KCNH1: variants seen among roughly 807,000 people sequenced by gnomAD.
The protein encoded by KCNH1 is potassium voltage-gated channel subfamily H member 1, also known as voltage-gated delayed rectifier potassium channel KCNH1.
KCNH1 carries 27 observed loss-of-function variants against 69.2 expected under a neutral mutation model. That is an observed-to-expected ratio of 0.39 (90% CI 0.29 to 0.54). The LOEUF is 0.54. Ranked by LOEUF, KCNH1 falls within the 20% of genes least tolerant of loss-of-function variation. KCNH1 has a pLI of 0.68. For missense variants in KCNH1, 798 were observed against 1,261.6 expected (o/e 0.63, Z 5.57); for synonymous variants, 456 against 487.7 (o/e 0.93, Z 0.86).
At chr1:210,967,691 A>G (rs974872461) in intron 6 of KCNH1, among the ~76,000 whole-genome samples, 2 of 152,106 alleles carry the variant, frequency 1.3e-5, no homozygotes, top group Admixed American at 1.3e-4. Context: ...TTAGGTTATA[A>G]GAAGTCTTAA....
intron 6 of KCNH1, among the ~76,000 whole-genome samples, chr1:210,936,818 GA>G (rs1316071404): frequency 6.6e-6 from 1 of 151,642 alleles, no homozygotes; most frequent in Non-Finnish European, 1.5e-5. Context: ...ATCATCACTG[GA>G]AACCACTCCA....
chr1:211,059,181 G>C (rs1379585277), intron 5 of KCNH1, among the ~76,000 whole-genome samples: 1 of 151,960 alleles, frequency 6.6e-6, no homozygotes, highest in Non-Finnish European at 1.5e-5. Context: ...TCAGGAGGCT[G>C]AGGCAGGAGA....
At chr1:210,807,466 G>T (rs1439643255) in intron 7 of KCNH1, among the ~76,000 whole-genome samples, 3 of 151,974 alleles carry the variant, frequency 2.0e-5, no homozygotes, top group Non-Finnish European at 2.9e-5. Flanking sequence ...AAAAAATTTA[G>T]CCAGGCATGG....
intron 10 of KCNH1, among the ~76,000 whole-genome samples, chr1:210,745,662 A>G (rs978324711): frequency 7.9e-5 from 12 of 152,178 alleles, no homozygotes; most frequent in Admixed American, 7.2e-4. Flanking sequence ...TTTTTCTACT[A>G]TCCCAAAGTT....
chr1:210,815,520 A>G (rs1684793977), intron 7 of KCNH1, among the ~76,000 whole-genome samples: 1 of 152,080 alleles, frequency 6.6e-6, no homozygotes, highest in Admixed American at 6.6e-5. Context: ...AGATGGTTTA[A>G]TTATTTTTTT....
At chr1:211,017,528 A>G (rs1459372718) in intron 6 of KCNH1, among the ~76,000 whole-genome samples, 1 of 152,186 alleles carries the variant, frequency 6.6e-6, no homozygotes, top group East Asian at 1.9e-4. Context: ...AGACTTGCCA[A>G]ATGAACTGCC....
chr1:211,123,484 A>G (rs1483343887), intron 1 of KCNH1, among the ~76,000 whole-genome samples: 1 of 152,136 alleles, frequency 6.6e-6, no homozygotes, highest in Admixed American at 6.5e-5. Flanking sequence ...GCAGATATGG[A>G]TAGGTGGAGG....
intron 10 of KCNH1, among the ~76,000 whole-genome samples, chr1:210,734,853 C>T (rs1243692994): frequency 6.6e-6 from 1 of 152,130 alleles, no homozygotes; most frequent in African/African-American, 2.4e-5. Context: ...AATCTAGTTG[C>T]AGACACTGAA....
intron 6 of KCNH1, among the ~76,000 whole-genome samples, chr1:210,935,120 TCACACACACACACACACACACACACA>T (rs10588037): frequency 7.7e-6 from 1 of 129,206 alleles, no homozygotes; most frequent in African/African-American, 3.0e-5. Context: ...AAAGAAAATG[TCACACACACACACACACACACACACA>T]CACACACACA....
intron 6 of KCNH1, among the ~76,000 whole-genome samples, chr1:210,955,092 A>T (rs921890031): frequency 2.0e-5 from 3 of 152,186 alleles, no homozygotes; most frequent in African/African-American, 7.2e-5. Flanking sequence ...GGTGTAAGGA[A>T]GGGATCCAGT....
chr1:211,079,880 T>C (rs1300676207), intron 5 of KCNH1, among the ~76,000 whole-genome samples: 1 of 152,180 alleles, frequency 6.6e-6, no homozygotes, highest in African/African-American at 2.4e-5. Context: ...GGGCAAAAAC[T>C]GGAAGTATTC....
intron 5 of KCNH1, among the ~76,000 whole-genome samples, chr1:211,021,106 G>GGGAT (rs1689580267): frequency 6.6e-6 from 1 of 151,988 alleles, no homozygotes; most frequent in Non-Finnish European, 1.5e-5. Context: ...CTAAGCTATG[G>GGGAT]GGATGCAAAG....
chr1:210,922,370 C>A (rs1199493184), intron 6 of KCNH1, among the ~76,000 whole-genome samples: 4 of 126,272 alleles, frequency 3.2e-5, no homozygotes, highest in Non-Finnish European at 6.3e-5. Flanking sequence ...GGCAACAGAG[C>A]GAGACTCCGT....
At chr1:211,002,030 G>A (rs1689191493) in intron 6 of KCNH1, among the ~76,000 whole-genome samples, 1 of 151,476 alleles carries the variant, frequency 6.6e-6, no homozygotes, top group African/African-American at 2.4e-5. Flanking sequence ...GGGGAGTGGG[G>A]GGGGATAGCA....
At position 211,133,857 on chromosome 1, in the gene KCNH1, C is replaced by A. The variant is rs1215676133; in HGVS notation, c.79+10G>T. ...CGCCCGGGTAATCGAAATCCGAATG[C>A]ACCTCTTACCATTGGACCGCCGAAC... On this transcript the variant is annotated intron_variant, in intron 1 of 10. Coordinates refer to ENST00000271751, the MANE Select transcript of KCNH1 (RefSeq NM_172362.3). This position sits in a 1 kb window ranked among gnomAD's most constrained non-coding sequence, Gnocchi z 5.4. 6.2e-7 allele frequency: 1 copy of A among 1,605,340 alleles called. No individual in the cohort carries two copies. Among genetic ancestry groups the A allele is most frequent in the Non-Finnish European group, 8.5e-7 (1 of 1,175,944 alleles).
At chr1:210,967,530 T>A (rs964804848) in intron 6 of KCNH1, among the ~76,000 whole-genome samples, 4 of 152,068 alleles carry the variant, frequency 2.6e-5, no homozygotes, top group Non-Finnish European at 5.9e-5. Flanking sequence ...TAATCAAATA[T>A]CCCAGAACCA....
At chr1:210,754,703 GA>G (rs1268499187) in intron 10 of KCNH1, among the ~76,000 whole-genome samples, 1 of 152,110 alleles carries the variant, frequency 6.6e-6, no homozygotes, top group East Asian at 1.9e-4. Flanking sequence ...GGCCTCCCCA[GA>G]AGCCAAGCAG....
At position 210,683,345 on chromosome 1, in the gene KCNH1, T is replaced by A. The variant is rs765741080; in HGVS notation, c.2906A>T (p.Glu969Val). ...TSRRSSQSPQ[E>V]LFEISRPQSP... ...CTGTGGCCTCGATATTTCAAACAAC[T>A]CCTGAGGAGACTGAGAGGATCTTCT... Residue 969 changes from glutamate to valine, a missense_variant, in exon 11 of 11, where the codon GAG (glutamate) becomes GTG (valine). Physicochemically the swap from Glu to Val is moderately radical, Grantham distance 121. Transcript: ENST00000271751. The surrounding 1 kb of genome is among the most constrained non-coding windows in gnomAD (Gnocchi z 5.7). 6.2e-7 allele frequency: 1 copy of A among 1,614,038 alleles called. No homozygotes were observed. The highest frequency in any genetic ancestry group is 1.7e-5 in the Admixed American group (1 of 60,012).
At chr1:211,090,350 A>G (rs1013524855) in intron 4 of KCNH1, among the ~76,000 whole-genome samples, 12 of 152,216 alleles carry the variant, frequency 7.9e-5, no homozygotes, top group Non-Finnish European at 1.5e-4. Context: ...TATGAAATTG[A>G]TTCAAATGCT....
Sources: allele counts gnomAD v4.1 joint callset (sites outside exome capture counted in the v4.1 genomes callset), GRCh38; gene constraint gnomAD v4.1.1; non-coding constraint Gnocchi (gnomAD v3.1); transcripts MANE v1.5; gene names NCBI Gene and HGNC (gene_info 2026-07-23, HGNC 2026-07-21).